SLC38A10: variants seen among roughly 807,000 people sequenced by gnomAD.
SLC38A10 encodes the protein Sodium-coupled neutral amino acid transporter 10.
SLC38A10 carries 53 observed loss-of-function variants against 81.0 expected under a neutral mutation model. The ratio of observed to expected loss-of-function variants is 0.65; its 90% CI spans 0.53 to 0.82. The LOEUF is 0.82. Among genes scored for constraint, SLC38A10 ranks in the 40% least tolerant of loss-of-function variants. The probability of loss-of-function intolerance (pLI) is 0.00; values close to 1 mark genes in which losing one functional copy is unlikely to be tolerated. For missense variants in SLC38A10, 1,471 were observed against 1,545.0 expected, an observed-to-expected ratio of 0.95 and a Z score of 0.80; for synonymous variants, 665 against 655.3, an observed-to-expected ratio of 1.01 and a Z score of -0.23.
chr17:81,268,416 T>C (rs2063087950), intron 10 of SLC38A10, among the ~76,000 whole-genome samples: 1 of 152,156 alleles, frequency 6.6e-6, no homozygotes, highest in Non-Finnish European at 1.5e-5. Context: ...TTTTTCTTTT[T>C]TTTTTGAGAC....
chr17:81,292,570 C>T (rs2063319834), intron 1 of SLC38A10, among the ~76,000 whole-genome samples: 1 of 152,238 alleles, frequency 6.6e-6, no homozygotes, highest in Admixed American at 6.5e-5. Context: ...TCCAAGAAGG[C>T]TGCCGTGGAG....
intron 11 of SLC38A10, 22 bp downstream of exon 11, chr17:81,260,216 C>G (rs376591558): frequency 3.8e-6 from 6 of 1,586,738 alleles, no homozygotes; most frequent in South Asian, 2.3e-5. Context: ...TGAGAAGGCT[C>G]AGAGAGCCAG....
At chr17:81,251,957 C>T (rs903843571) in intron 13 of SLC38A10, 24 of 642,142 alleles carry the variant, frequency 3.7e-5, no homozygotes, top group African/African-American at 1.5e-4. Context: ...GAGCACAGCG[C>T]GGCACCTGAC....
chr17:81,261,345 C>T (rs1208942661), intron 10 of SLC38A10, among the ~76,000 whole-genome samples: 1 of 152,226 alleles, frequency 6.6e-6, no homozygotes, highest in South Asian at 2.1e-4. Context: ...TGGCCTGGCC[C>T]AGCACAAGCT....
At chr17:81,285,718 AGGATGGCCCAGCCCCGTC>A (rs1236333795) in intron 2 of SLC38A10, 3 of 152,266 alleles carry the variant, frequency 2.0e-5, no homozygotes, top group Non-Finnish European at 4.4e-5. Flanking sequence ...TGCATGTGGC[AGGATGGCCCAGCCCCGTC>A]GGCAGCCCCA....
rs1019624951 is a variant in SLC38A10 at position 81,294,998 on chromosome 17, A to G, written c.-77T>C. The G allele has an allele frequency of 6.8e-7, 1 of 1,478,586 alleles. No homozygotes were observed. The highest frequency in any genetic ancestry group is 9.0e-7 in the Non-Finnish European group (1 of 1,111,642). The allele number at this position is 1,478,586 out of a possible 1,614,324, so 91.6% of individuals were successfully genotyped here. The stretch of plus-strand genomic sequence containing the variant: ...CGGCCGGCTTTGGAAGCCCAGCCCG[A>G]GGCCACGGTCACAGGTCCCAACGTC... On this transcript the variant is annotated 5_prime_UTR_variant, in exon 1 of 16. Transcript: ENST00000374759.
At chr17:81,266,435 T>C (rs368085127) in intron 10 of SLC38A10, among the ~76,000 whole-genome samples, 5 of 151,638 alleles carry the variant, frequency 3.3e-5, no homozygotes, top group Admixed American at 2.0e-4. Flanking sequence ...CTGGCTAACA[T>C]AGTGAAACCC....
Position 81,269,896 on chromosome 17 carries a change from G to A in SLC38A10, c.1131+1022C>T, listed in dbSNP as rs148281083. On this transcript the variant is annotated intron_variant, in intron 10 of 15. Coordinates refer to ENST00000374759, the MANE Select transcript of SLC38A10 (RefSeq NM_001037984.3). ...GGAGAATCACTTGAACCTGGGAGGCGGAGGTTGCAGTAAGCCGAGACTGCG... is the reference window on the plus strand; with the variant it reads ...GGAGAATCACTTGAACCTGGGAGGCAGAGGTTGCAGTAAGCCGAGACTGCG... 7.0e-3 allele frequency among the ~76,000 whole-genome samples: 1,063 copies of A among 152,198 alleles called. 7 individuals carry two copies. Among genetic ancestry groups the A allele is most frequent in the African/African-American group, 0.023 (961 of 41,490 alleles).
intron 10 of SLC38A10, among the ~76,000 whole-genome samples, chr17:81,262,164 TG>T (rs1366098527): frequency 6.6e-6 from 1 of 152,160 alleles, no homozygotes; most frequent in Non-Finnish European, 1.5e-5. Context: ...GTGGTGTGGA[TG>T]GCCGTGGCTT....
Position 81,281,341 on chromosome 17 carries a change from A to AGGG in SLC38A10, c.502-611_502-609dup, listed in dbSNP as rs1011361220. 6.6e-6 allele frequency among the ~76,000 whole-genome samples: 1 copy of AGGG among 152,044 alleles called. No individual in the cohort carries two copies. Among genetic ancestry groups the AGGG allele is most frequent in the Non-Finnish European group, 1.5e-5 (1 of 68,008 alleles). ...CCTTGCCAGGGAACAGGAAGGTCCC[A>AGGG]GGGGCTCGGGTCCTGGGGCTCCTAT... On this transcript the variant is annotated intron_variant, in intron 5 of 15. Coordinates refer to ENST00000374759, the MANE Select transcript of SLC38A10 (RefSeq NM_001037984.3). This position sits in a 1 kb window ranked among gnomAD's most constrained non-coding sequence, Gnocchi z 5.3.
intron 14 of SLC38A10, chr17:81,250,232 CAG>C: frequency 1.1e-6 from 1 of 870,000 alleles, no homozygotes. Flanking sequence ...CAAACATGGC[CAG>C]ACTAAAACCG....
chr17:81,245,698 C>G lies in SLC38A10; in HGVS notation c.3218G>C (p.Gly1073Ala). ...CTGGACATCAGGCAGGGGGTTAAGGCCAATGATGACCCCATCCCTCGGGGC... is the reference window on the plus strand; with the variant it reads ...CTGGACATCAGGCAGGGGGTTAAGGGCAATGATGACCCCATCCCTCGGGGC... Reference protein sequence around the residue: ...QLAPRDGVIIGLNPLPDVQVN... With the variant: ...QLAPRDGVIIALNPLPDVQVN... Residue 1073 changes from glycine to alanine, a missense_variant, in exon 16 of 16, where the codon GGC (glycine) becomes GCC (alanine). Physicochemically the swap from Gly to Ala is moderately conservative, Grantham distance 60 (BLOSUM62 0). Around this residue, in one of 2 missense-constraint regions of SLC38A10, gnomAD observed 751 missense variants for 717.4 expected, o/e 1.05. Coordinates refer to ENST00000374759, the MANE Select transcript of SLC38A10 (RefSeq NM_001037984.3). The G allele has an allele frequency of 6.3e-7, 1 of 1,579,760 alleles. No individual in the cohort carries two copies. Among genetic ancestry groups the G allele is most frequent in the Non-Finnish European group, 8.6e-7 (1 of 1,161,242 alleles).
Position 81,246,911 on chromosome 17 carries a change from T to C in SLC38A10, c.2216A>G (p.Glu739Gly). ...CTGCCTGGGTTTATCCTCCTCGTCC[T>C]CCTGCCTCTGCTGGTGGATCTCCTT... ...QHKEIHQQRQ[E>G]DEEDKPRQVE... The change falls in exon 15 of 16, where the codon GAG becomes GGG. Residue 739 changes from glutamate (E) to glycine (G), a missense_variant. Glu to Gly is a moderately conservative substitution (Grantham distance 98). Transcript: ENST00000374759. 6.2e-7 allele frequency: 1 copy of C among 1,603,990 alleles called. No homozygotes were observed. The highest frequency in any genetic ancestry group is 8.5e-7 in the Non-Finnish European group (1 of 1,176,084).
chr17:81,260,238 C>T lies in SLC38A10; in HGVS notation c.1288G>A (p.Ala430Thr). The T allele has an allele frequency of 6.3e-7, 1 of 1,599,552 alleles. No individual in the cohort carries two copies. Among genetic ancestry groups the T allele is most frequent in the Non-Finnish European group, 8.5e-7 (1 of 1,174,142 alleles). The change falls in exon 11 of 16, where the codon GCC becomes ACC. Residue 430 changes from alanine to threonine, a missense_variant and splice_region_variant. Ala to Thr is a moderately conservative substitution (Grantham distance 58). Around this residue, in one of 2 missense-constraint regions of SLC38A10, gnomAD observed 720 missense variants for 827.7 expected, o/e 0.87. Coordinates refer to ENST00000374759, the MANE Select transcript of SLC38A10 (RefSeq NM_001037984.3). ...GCTCAGAGAGCCAGGGTGGGCATAC[C>T]TGAGAGCCGCGCTGCCTCCACCTTC... ...LMKVEAARLS[A>T]QDPVVAVAED...
chr17:81,284,503 T>C (rs2063245554), intron 3 of SLC38A10, among the ~76,000 whole-genome samples: 1 of 152,226 alleles, frequency 6.6e-6, no homozygotes, highest in African/African-American at 2.4e-5. Context: ...ATCTCATAAA[T>C]TTTTTCATCT....
chr17:81,287,882 C>T (rs1363294955), intron 2 of SLC38A10, among the ~76,000 whole-genome samples: 1 of 152,238 alleles, frequency 6.6e-6, no homozygotes, highest in Non-Finnish European at 1.5e-5. Flanking sequence ...GCTACAGAAA[C>T]CCTATACAGA....
At position 81,295,183 on chromosome 17, in the gene SLC38A10, C is replaced by CCGAGCGAGGGACG; in HGVS notation, c.-263_-262insCGTCCCTCGCTCG. Reference sequence around the variant, plus strand: ...GCCAAGCCCTGCGGCCGCCTCAGGGCCATGCGTCCCTCGCTCGGCCTCGCG... The same window carrying CCGAGCGAGGGACG: ...GCCAAGCCCTGCGGCCGCCTCAGGGCCGAGCGAGGGACGCATGCGTCCCTCGCTCGGCCTCGCG... On this transcript the variant is annotated 5_prime_UTR_variant, in exon 1 of 16. An upstream open reading frame in the 5' UTR loses its in-frame stop. Transcript: ENST00000374759. 2 of 284,836 alleles carry CCGAGCGAGGGACG rather than the reference C, an allele frequency of 7.0e-6. No individual in the cohort carries two copies. The highest frequency in any genetic ancestry group is 1.2e-5 in the Non-Finnish European group (2 of 169,910). The allele number at this position is 284,836 out of a possible 1,614,324, so 17.6% of individuals were successfully genotyped here.
chr17:81,272,703 G>C, intron 8 of SLC38A10, 76 bp from the exon 9 acceptor site: 1 of 1,114,910 alleles, frequency 9.0e-7, no homozygotes, highest in South Asian at 1.7e-5. Flanking sequence ...AAGCCTGAAA[G>C]GGCTCTGCCA....
At chr17:81,282,511 G>T (rs751716553) in intron 4 of SLC38A10, among the ~76,000 whole-genome samples, 179 bp from the exon 5 acceptor site, 3 of 152,206 alleles carry the variant, frequency 2.0e-5, no homozygotes, top group Non-Finnish European at 4.4e-5. Flanking sequence ...CCACTGTGCC[G>T]TGTGCAGCCT....
Sources: allele counts gnomAD v4.1 joint callset (sites outside exome capture counted in the v4.1 genomes callset), GRCh38; gene constraint gnomAD v4.1.1; regional missense constraint gnomAD v4.1.1; non-coding constraint Gnocchi (gnomAD v3.1); transcripts MANE v1.5; gene names NCBI Gene and HGNC (gene_info 2026-07-23, HGNC 2026-07-21).